Variants in SERPINA1 observed in about 807,000 individuals in gnomAD.
SERPINA1 encodes the protein serpin family A member 1, also known as alpha-1-antitrypsin.
In SERPINA1, 21 loss-of-function variants were observed where a neutral mutation model predicts 25.4. The observed-to-expected ratio is 0.83, with a 90% CI of 0.59 to 1.19. The LOEUF is 1.19. SERPINA1 is among the 50% of genes most tolerant of loss of function. The pLI, the probability that SERPINA1 is intolerant of heterozygous loss-of-function variation, is 0.00. For missense variants in SERPINA1, 546 were observed against 509.0 expected (o/e 1.07, Z -0.70); for synonymous variants, 218 against 211.1 (o/e 1.03, Z -0.29).
rs1030600584 is a variant in SERPINA1, at chr14:94,382,755, C to T, written c.483G>A (p.Leu161=). Reference sequence around the variant, plus strand: ...TGACAGTGAAGGCTTCTGAGTGGTACAACTTTTTAACATCCTCCAAAAACT... The same window carrying T: ...TGACAGTGAAGGCTTCTGAGTGGTATAACTTTTTAACATCCTCCAAAAACT... ...VDKFLEDVKK[L]YHSEAFTVNF... Residue 161 remains leucine (L), a synonymous_variant, in exon 2 of 5, where the codon TTG becomes TTA. Coordinates refer to ENST00000393087, the MANE Select transcript of SERPINA1 (RefSeq NM_000295.5). 3 of 1,614,136 alleles carry T rather than the reference C, an allele frequency of 1.9e-6. No homozygotes were observed. In the African/African-American group the frequency reaches 4.0e-5, roughly 22 times the overall value.
rs1260307845 is a variant in SERPINA1, at chr14:94,378,654, A to G, written c.1066-14T>C. 1.2e-6 allele frequency: 2 copies of G among 1,612,122 alleles called. No individual in the cohort carries two copies. Among genetic ancestry groups the G allele is most frequent in the Non-Finnish European group, 1.7e-6 (2 of 1,179,394 alleles). On this transcript the variant is annotated splice_polypyrimidine_tract_variant and intron_variant, in intron 4 of 4. Coordinates refer to ENST00000393087, the MANE Select transcript of SERPINA1 (RefSeq NM_000295.5). ...CTTATGCACGGCCTGGAGGGGAGAG[A>G]AGCAGAGACACGTTGTAAGGCTGAT...
chr14:94,379,431 CAGGGTGCAACA>C, intron 4 of SERPINA1, 22 bp downstream of exon 4: 1 of 1,613,632 alleles, frequency 6.2e-7, no homozygotes. Context: ...CTACAGATAC[CAGGGTGCAACA>C]AGGTCGTCAG....
Position 94,382,724 on chromosome 14 carries a change from C to A in SERPINA1, c.514G>T (p.Gly172Trp), listed in dbSNP as rs112030253. 9.8e-4 allele frequency: 1,588 copies of A among 1,614,258 alleles called. 9 individuals are homozygous for A. Among genetic ancestry groups the A allele is most frequent in the South Asian group, 2.0e-3 (185 of 91,088 alleles). ...YHSEAFTVNF[G>W]DTEEAKKQIN... is the part of the protein sequence containing the mutation. ...TGTTTCTTGGCCTCTTCGGTGTCCC[C>A]GAAGTTGACAGTGAAGGCTTCTGAG... The change falls in exon 2 of 5, where the codon GGG becomes TGG. Residue 172 changes from glycine to tryptophan, a missense_variant. Transcript: ENST00000393087.
At position 94,381,042 on chromosome 14, in the gene SERPINA1, C is replaced by G. The variant is rs577164283; in HGVS notation, c.746G>C (p.Gly249Ala). ...TVKVPMMKRL[G>A]MFNIQHCKKL... ...CTTACAGTGCTGGATGTTAAACATG[C>G]CTAAACGCTTCATCATAGGCACCTT... is the stretch of plus-strand genomic sequence containing the variant. Residue 249 changes from glycine (G) to alanine (A), a missense_variant, in exon 3 of 5, where the codon GGC (glycine) becomes GCC (alanine). By Grantham distance (60) the Gly-to-Ala change is moderately conservative. Transcript: ENST00000393087. 7 of 1,614,034 alleles carry G rather than the reference C, an allele frequency of 4.3e-6. No individual in the cohort carries two copies. The East Asian group carries it at 1.3e-4, about 31-fold the overall frequency.
In SERPINA1 at chr14:94,378,295, G is replaced by A; in HGVS notation, c.*154C>T. 1 of 685,330 alleles carries A rather than the reference G, an allele frequency of 1.5e-6. No individual in the cohort carries two copies. The highest frequency in any genetic ancestry group is 2.6e-5 in the East Asian group (1 of 37,952). 42.5% of individuals were successfully genotyped at this position (685,330 alleles called of 1,614,324 possible). ...CCCGAAGACAGCACTGTTACCTGGA[G>A]CCCACATACAGCCTCAGCAGGCAAA... On this transcript the variant is annotated 3_prime_UTR_variant, in exon 5 of 5. Coordinates refer to ENST00000393087, the MANE Select transcript of SERPINA1 (RefSeq NM_000295.5).
In SERPINA1 at chr14:94,376,774, C is replaced by G. The variant is rs1896390019; in HGVS notation, c.*1675G>C. 2 of 152,240 alleles carry G rather than the reference C, an allele frequency of 1.3e-5. No individual in the cohort carries two copies. The highest frequency in any genetic ancestry group is 4.8e-5 in the African/African-American group (2 of 41,458). The allele number at this position is 152,240 out of a possible 1,614,324, so 9.4% of individuals were successfully genotyped here. A position where few individuals can be genotyped will look rare whatever the true frequency, so the allele number is the denominator to read the frequency against. Reference sequence around the variant, plus strand: ...CAAGAAATGTAGTTCTATTTATTCTCTGTTCTAATGGGTATAAACATTTTG... The same window carrying G: ...CAAGAAATGTAGTTCTATTTATTCTGTGTTCTAATGGGTATAAACATTTTG... On this transcript the variant is annotated 3_prime_UTR_variant, in exon 5 of 5. Coordinates refer to ENST00000393087, the MANE Select transcript of SERPINA1 (RefSeq NM_000295.5).
intron 1 of SERPINA1, among the ~76,000 whole-genome samples, chr14:94,386,903 G>A (rs1451885004): frequency 6.6e-6 from 1 of 152,122 alleles, no homozygotes; most frequent in African/African-American, 2.4e-5. Flanking sequence ...TGTCCTCAAA[G>A]CTTACCCTAT....
In SERPINA1 at chr14:94,378,411, C is replaced by A; in HGVS notation, c.*38G>T. 1 of 1,570,580 alleles carries A rather than the reference C, an allele frequency of 6.4e-7. No individual in the cohort carries two copies. On this transcript the variant is annotated 3_prime_UTR_variant, in exon 5 of 5. Transcript: ENST00000393087. ...TCTTTAATGTCATCCAGGGAGGGGG[C>A]CAGGGATGGAGGGGAGGGGTTGAGG...
At position 94,383,051 on chromosome 14, in the gene SERPINA1, G is replaced by A. The variant is rs28931570; in HGVS notation, c.187C>T (p.Arg63Cys). Reference sequence around the variant, plus strand: ...CTGTTGGACTGGTGTGCCAGCTGGCGGTATAGGCTGAAGGCGAACTCAGCC... The same window carrying A: ...CTGTTGGACTGGTGTGCCAGCTGGCAGTATAGGCTGAAGGCGAACTCAGCC... ...NLAEFAFSLY[R>C]QLAHQSNSTN... The change falls in exon 2 of 5, where the codon CGC (arginine) becomes TGC (cysteine). Residue 63 changes from arginine (R) to cysteine (C), a missense_variant. Coordinates refer to ENST00000393087, the MANE Select transcript of SERPINA1 (RefSeq NM_000295.5). 1.8e-3 allele frequency: 2,881 copies of A among 1,613,714 alleles called. 7 individuals are homozygous for A. The highest frequency in any genetic ancestry group is 2.3e-3 in the Non-Finnish European group (2,682 of 1,179,586).
At chr14:94,382,509 C>G in intron 2 of SERPINA1, 83 bp downstream of exon 2, 2 of 1,560,204 alleles carry the variant, frequency 1.3e-6, no homozygotes, top group Admixed American at 3.3e-5. Flanking sequence ...AATGCATTGC[C>G]AAGGAGAGTT....
Position 94,378,588 on chromosome 14 carries a change from C to A in SERPINA1, c.1118G>T (p.Gly373Val). 2 of 1,614,118 alleles carry A rather than the reference C, an allele frequency of 1.2e-6. No homozygotes were observed. The highest frequency in any genetic ancestry group is 2.2e-5 in the East Asian group (1 of 44,880). The change falls in exon 5 of 5, where the codon GGG (glycine) becomes GTG (valine). Residue 373 changes from glycine to valine, a missense_variant. By Grantham distance (109) the Gly-to-Val change is moderately radical (BLOSUM62 -3). Coordinates refer to ENST00000393087, the MANE Select transcript of SERPINA1 (RefSeq NM_000295.5). ...TIDEKGTEAA[G>V]AMFLEAIPMS... ...GGGTATGGCCTCTAAAAACATGGCC[C>A]CAGCAGCTTCAGTCCCTTTCTCGTC...
chr14:94,387,601 C>T (rs192262353), intron 1 of SERPINA1, among the ~76,000 whole-genome samples: 4 of 152,126 alleles, frequency 2.6e-5, no homozygotes, highest in African/African-American at 9.7e-5. Context: ...CTGAAGTCAC[C>T]GAGCATCAGA....
At chr14:94,385,883 A>T (rs538580525) in intron 1 of SERPINA1, among the ~76,000 whole-genome samples, 1 of 152,258 alleles carries the variant, frequency 6.6e-6, no homozygotes, top group South Asian at 2.1e-4. Flanking sequence ...AAGCCCAGAG[A>T]GGGTCAGGGC....
intron 4 of SERPINA1, 110 bp from the exon 5 acceptor site, chr14:94,378,750 C>T: frequency 1.7e-6 from 2 of 1,154,784 alleles, no homozygotes; most frequent in Non-Finnish European, 2.5e-6. Context: ...GGCCCTGGCC[C>T]TGCACATCCT....
chr14:94,379,326 C>A (rs937582523), intron 4 of SERPINA1, 138 bp downstream of exon 4: 1 of 1,279,898 alleles, frequency 7.8e-7, no homozygotes, highest in East Asian at 2.3e-5. Context: ...CAGTGAATCA[C>A]GGGCATCTTC....
chr14:94,377,320 G>A lies in SERPINA1; in HGVS notation c.*1129C>T, dbSNP rs1896433194. ...TTCCTGGCTGCTGTGTCCTTTAGCA[G>A]GGCCTTGGAGGATGGAAGGACTCTC... On this transcript the variant is annotated 3_prime_UTR_variant, in exon 5 of 5. Transcript: ENST00000393087. 1 of 152,200 alleles carries A rather than the reference G, an allele frequency of 6.6e-6. No homozygotes were observed. The highest frequency in any genetic ancestry group is 2.1e-4 in the South Asian group (1 of 4,826). 9.4% of individuals were successfully genotyped at this position (152,200 alleles called of 1,614,324 possible).
In SERPINA1 at chr14:94,379,421, C is replaced by T. The variant is rs1268283412; in HGVS notation, c.1065+43G>A. The T allele has an allele frequency of 3.1e-6, 5 of 1,610,044 alleles. No individual in the cohort carries two copies. In the African/African-American group the frequency reaches 5.4e-5, roughly 17 times the overall value. On this transcript the variant is annotated intron_variant, in intron 4 of 4. Transcript: ENST00000393087. ...AGCTGCAGCCCCCACACATTCTTCCCTACAGATACCAGGGTGCAACAAGGT... is the reference window on the plus strand; with the variant it reads ...AGCTGCAGCCCCCACACATTCTTCCTTACAGATACCAGGGTGCAACAAGGT...
Position 94,383,017 on chromosome 14 carries a change from A to T in SERPINA1, c.221T>A (p.Ile74Asn), listed in dbSNP as rs1275309068. The T allele has an allele frequency of 1.2e-6, 2 of 1,611,188 alleles. No individual in the cohort carries two copies. The highest frequency in any genetic ancestry group is 1.7e-6 in the Non-Finnish European group (2 of 1,177,490). Reference protein sequence around the residue: ...QLAHQSNSTNIFFSPVSIATA... With the variant: ...QLAHQSNSTNNFFSPVSIATA... ...AGCGATGCTCACTGGGGAGAAGAAG[A>T]TATTGGTGCTGTTGGACTGGTGTGC... is the stretch of plus-strand genomic sequence containing the variant. The change falls in exon 2 of 5, where the codon ATC (isoleucine) becomes AAC (asparagine). Residue 74 changes from isoleucine to asparagine, a missense_variant. Ile to Asn is a moderately radical substitution (Grantham distance 149, BLOSUM62 -3). Coordinates refer to ENST00000393087, the MANE Select transcript of SERPINA1 (RefSeq NM_000295.5).
upstream of SERPINA1, chr14:94,388,753 C>T (rs962354473): frequency 6.6e-6 from 1 of 152,330 alleles, no homozygotes. Flanking sequence ...CCCGCCTACG[C>T]TGCCCGGACG....
Sources: allele counts gnomAD v4.1 joint callset (sites outside exome capture counted in the v4.1 genomes callset), GRCh38; gene constraint gnomAD v4.1.1; transcripts MANE v1.5; gene names NCBI Gene and HGNC (gene_info 2026-07-23, HGNC 2026-07-21).